The following HDAC9 variants were observed in gnomAD, a reference collection of about 807,000 sequenced individuals.
HDAC9 encodes the protein histone deacetylase 9.
A neutral mutation model predicts 139.4 loss-of-function variants in HDAC9; 41 were observed. That is an observed-to-expected ratio of 0.29 (90% CI 0.23 to 0.38). HDAC9 has a LOEUF of 0.38. HDAC9 is among the 10% of genes least tolerant of loss of function. The pLI is 1.00. For missense variants in HDAC9, 1,147 were observed against 1,297.0 expected (o/e 0.88, Z 1.78); for synonymous variants, 517 against 476.2 (o/e 1.09, Z -1.12).
At chr7:18,232,961 G>A (rs2128184759) in intron 2 of HDAC9, among the ~76,000 whole-genome samples, 1 of 152,230 alleles carries the variant, frequency 6.6e-6, no homozygotes, top group East Asian at 1.9e-4. Context: ...TTTGCGTGCT[G>A]TACTCTTCTC....
chr7:18,417,479 T>G (rs574254343), intron 1 of HDAC9, among the ~76,000 whole-genome samples: 1 of 152,308 alleles, frequency 6.6e-6, no homozygotes, highest in East Asian at 1.9e-4. Flanking sequence ...AAACCAGTCA[T>G]TGTGAGTTTT....
intron 6 of HDAC9, among the ~76,000 whole-genome samples, chr7:18,594,939 A>G (rs1562503173): frequency 6.6e-6 from 1 of 152,028 alleles, no homozygotes; most frequent in Non-Finnish European, 1.5e-5. Context: ...GTATAGATTT[A>G]TTTGTTTTAT....
At chr7:18,847,670 G>C (rs1400528888) in intron 21 of HDAC9, among the ~76,000 whole-genome samples, 1 of 152,202 alleles carries the variant, frequency 6.6e-6, no homozygotes, top group Non-Finnish European at 1.5e-5. Context: ...TTGAAGCCAA[G>C]AAGCAAAAAC....
intron 14 of HDAC9, among the ~76,000 whole-genome samples, chr7:18,756,287 C>A (rs573439103): frequency 1.3e-5 from 2 of 152,254 alleles, no homozygotes; most frequent in South Asian, 2.1e-4. Context: ...AAGCATTAAC[C>A]TGAGAAACAA....
intron 25 of HDAC9, among the ~76,000 whole-genome samples, chr7:18,989,360 ATTCTT>A (rs1563111209): frequency 6.6e-6 from 1 of 151,452 alleles, no homozygotes; most frequent in Non-Finnish European, 1.5e-5. Context: ...TGGGTTGAAA[ATTCTT>A]TTCTTTAATA....
intron 16 of HDAC9, among the ~76,000 whole-genome samples, chr7:18,776,853 G>A (rs1046522250): frequency 1.3e-5 from 2 of 151,886 alleles, no homozygotes; most frequent in Non-Finnish European, 2.9e-5. Flanking sequence ...GTGGAGAGGA[G>A]GCTTGCCAAG....
At chr7:18,101,829 A>G (rs1782878935) in intron 1 of HDAC9, among the ~76,000 whole-genome samples, 1 of 152,238 alleles carries the variant, frequency 6.6e-6, no homozygotes, top group South Asian at 2.1e-4. Context: ...AGTGGATAAA[A>G]GATGCCACTA....
chr7:18,158,550 A>G (rs532446650), intron 1 of HDAC9, among the ~76,000 whole-genome samples: 1 of 152,334 alleles, frequency 6.6e-6, no homozygotes, highest in African/African-American at 2.4e-5. Flanking sequence ...TCCATTTGCC[A>G]GCCACATATC....
chr7:18,461,244 T>G (rs991127142), intron 1 of HDAC9, among the ~76,000 whole-genome samples: 6 of 152,184 alleles, frequency 3.9e-5, no homozygotes, highest in Non-Finnish European at 5.9e-5. Context: ...TAACCCTTTT[T>G]GACATAGATT....
chr7:18,733,095 G>T (rs1303861253), intron 13 of HDAC9, among the ~76,000 whole-genome samples: 2 of 141,986 alleles, frequency 1.4e-5, no homozygotes, highest in Non-Finnish European at 3.1e-5. Flanking sequence ...ATATATACAT[G>T]TGTATATATA....
Position 18,975,858 on chromosome 7 carries a change from G to A in HDAC9, c.3075G>A (p.Leu1025=), listed in dbSNP as rs746709949. The A allele has an allele frequency of 3.1e-6, 5 of 1,613,896 alleles. No individual in the cohort carries two copies. Among genetic ancestry groups the A allele is most frequent in the Non-Finnish European group, 4.2e-6 (5 of 1,179,838 alleles). ...RMVAVPRGCA[L]AGAQLQEETE... is the part of the protein sequence containing the mutation. ...TGGCTGTGCCAAGGGGCTGTGCTCTGGCTGGTGCTCAGTTGCAAGAGGAGA... is the reference window on the plus strand; with the variant it reads ...TGGCTGTGCCAAGGGGCTGTGCTCTAGCTGGTGCTCAGTTGCAAGAGGAGA... Residue 1025 remains leucine, a synonymous_variant, in exon 25 of 26, where the codon CTG becomes CTA. Transcript: ENST00000686413.
At chr7:18,266,799 A>G (rs764400165) in intron 2 of HDAC9, among the ~76,000 whole-genome samples, 1 of 152,102 alleles carries the variant, frequency 6.6e-6, no homozygotes, top group Non-Finnish European at 1.5e-5. Context: ...ACAGTGAGAA[A>G]ACATATAACA....
At chr7:18,968,360 C>T (rs1784019753) in intron 24 of HDAC9, among the ~76,000 whole-genome samples, 1 of 152,036 alleles carries the variant, frequency 6.6e-6, no homozygotes, top group African/African-American at 2.4e-5. Flanking sequence ...CCTCTGACCC[C>T]ATGTATGAAA....
chr7:18,636,179 G>A (rs967581741), intron 8 of HDAC9, among the ~76,000 whole-genome samples: 11 of 152,012 alleles, frequency 7.2e-5, no homozygotes, highest in African/African-American at 2.7e-4. Context: ...GTACCAACCA[G>A]GGAGGATAAT....
At chr7:18,413,559 A>G (rs917492812) in intron 1 of HDAC9, among the ~76,000 whole-genome samples, 1 of 152,126 alleles carries the variant, frequency 6.6e-6, no homozygotes, top group Non-Finnish European at 1.5e-5. Flanking sequence ...TGTCTCTCCT[A>G]TATGTCGGAA....
intron 22 of HDAC9, among the ~76,000 whole-genome samples, chr7:18,896,961 A>G (rs1801257273): frequency 2.6e-5 from 4 of 152,024 alleles, no homozygotes; most frequent in African/African-American, 9.7e-5. Flanking sequence ...ATAAACATGA[A>G]CACAGAAAAA....
At chr7:18,738,081 C>A (rs986707702) in intron 13 of HDAC9, among the ~76,000 whole-genome samples, 15 of 151,868 alleles carry the variant, frequency 9.9e-5, no homozygotes, top group Admixed American at 9.8e-4. Context: ...AGGATTGCAA[C>A]CCCTGCTTTT....
chr7:18,309,191 T>C (rs1799134584), intron 1 of HDAC9, among the ~76,000 whole-genome samples: 1 of 152,154 alleles, frequency 6.6e-6, no homozygotes, highest in Non-Finnish European at 1.5e-5. Context: ...AATGAAATGT[T>C]CAGCCCAAGG....
At chr7:18,278,927 G>C (rs1336559870) in intron 2 of HDAC9, among the ~76,000 whole-genome samples, 1 of 152,094 alleles carries the variant, frequency 6.6e-6, no homozygotes, top group Non-Finnish European at 1.5e-5. Context: ...TGTGGAAGTA[G>C]GTACTCTGTT....
Sources: allele counts gnomAD v4.1 joint callset (sites outside exome capture counted in the v4.1 genomes callset), GRCh38; gene constraint gnomAD v4.1.1; transcripts MANE v1.5; gene names NCBI Gene and HGNC (gene_info 2026-07-23, HGNC 2026-07-21).